WDPCP: variants seen among roughly 807,000 people sequenced by gnomAD.
The protein encoded by WDPCP is WD repeat containing planar cell polarity effector, also known as WD repeat-containing and planar cell polarity effector protein fritz homolog.
Under a neutral mutation model 93.1 loss-of-function variants are expected in WDPCP, and 71 were observed. The ratio of observed to expected loss-of-function variants is 0.76; its 90% CI spans 0.63 to 0.93. The LOEUF (loss-of-function observed/expected upper bound fraction) is 0.93. WDPCP is among the 40% of genes least tolerant of loss of function. The pLI is 0.00. For synonymous variants in WDPCP, 315 were observed against 315.0 expected, an observed-to-expected ratio of 1.00 and a Z score of 0.00; for missense variants, 844 against 887.4, an observed-to-expected ratio of 0.95 and a Z score of 0.62.
intron 12 of WDPCP, among the ~76,000 whole-genome samples, chr2:63,338,570 ATATATAT>A (rs1320336903): frequency 2.4e-3 from 13 of 5,314 alleles, no homozygotes; most frequent in Admixed American, 3.4e-3. Context: ...AAAAAAAAAA[ATATATAT>A]ATATATATAT....
At chr2:63,589,400 G>T (rs556524886), upstream of WDPCP, 104 of 1,549,026 alleles carry the variant, frequency 6.7e-5, no homozygotes, top group African/African-American at 1.3e-3. Flanking sequence ...CGATGGGAGG[G>T]AAAGGTTGGG....
At chr2:63,360,100 T>C (rs142886232) in intron 12 of WDPCP, 1 of 152,186 alleles carries the variant, frequency 6.6e-6, no homozygotes. Flanking sequence ...TTGTACTTTA[T>C]AAAATAACAT....
intron 13 of WDPCP, among the ~76,000 whole-genome samples, chr2:63,295,270 G>A (rs367790765): frequency 2.0e-5 from 3 of 151,974 alleles, no homozygotes; most frequent in African/African-American, 7.3e-5. Flanking sequence ...TATAAAAAAC[G>A]ACTGGCAAAA....
At chr2:63,622,856 A>G in intron 3 of WDPCP, 1 of 1,582,522 alleles carries the variant, frequency 6.3e-7, no homozygotes, top group Non-Finnish European at 8.6e-7. Context: ...TGGGCTCAGC[A>G]CCCGCGCAGC....
chr2:63,310,201 T>C (rs978124798), intron 13 of WDPCP, among the ~76,000 whole-genome samples: 1 of 152,166 alleles, frequency 6.6e-6, no homozygotes. Flanking sequence ...GATTTATGCA[T>C]TATCATCACC....
At chr2:63,802,281 TAAA>T (rs58717654) in intron 2 of WDPCP, among the ~76,000 whole-genome samples, 24 of 54,378 alleles carry the variant, frequency 4.4e-4, no homozygotes, top group Non-Finnish European at 5.6e-4. Flanking sequence ...CCCTCTCTCT[TAAA>T]AAAAAAAAAA....
At chr2:63,538,690 ATCAT>A (rs1219674885) in intron 1 of WDPCP, among the ~76,000 whole-genome samples, 2 of 152,206 alleles carry the variant, frequency 1.3e-5, no homozygotes, top group African/African-American at 4.8e-5. Context: ...ACATTCATGC[ATCAT>A]TCAAGGAAAA....
intron 2 of WDPCP, among the ~76,000 whole-genome samples, chr2:63,664,420 C>A (rs896468900): frequency 1.3e-5 from 2 of 152,206 alleles, no homozygotes; most frequent in African/African-American, 4.8e-5. Context: ...GGATTGGGCA[C>A]TACCATCAGC....
chr2:63,330,261 G>A (rs762563862), intron 12 of WDPCP, among the ~76,000 whole-genome samples: 2 of 152,042 alleles, frequency 1.3e-5, no homozygotes, highest in Admixed American at 1.3e-4. Context: ...TTGACTTTTT[G>A]GTTAGTAGGT....
intron 12 of WDPCP, among the ~76,000 whole-genome samples, chr2:63,320,639 C>T (rs1482944796): frequency 6.6e-6 from 1 of 151,708 alleles, no homozygotes; most frequent in African/African-American, 2.4e-5. Context: ...CTGTAGAACA[C>T]TAAGGATATA....
At chr2:63,589,182 C>T (rs528985907), upstream of WDPCP, 10 of 1,606,604 alleles carry the variant, frequency 6.2e-6, no homozygotes, top group East Asian at 6.7e-5. Flanking sequence ...TCGGACTCAT[C>T]TTCTGGGGAT....
At position 63,583,365 on chromosome 2, in the gene WDPCP, G is replaced by C. The variant is rs146608374; in HGVS notation, c.75+4832C>G. On this transcript the variant is annotated intron_variant, in intron 1 of 17. Coordinates refer to ENST00000272321, the MANE Select transcript of WDPCP (RefSeq NM_015910.7). ...GGGACAAATTGAAGACAAATAGCAAGACGTCATTTAAATTTAACCTTGAAA... is the reference window on the plus strand; with the variant it reads ...GGGACAAATTGAAGACAAATAGCAACACGTCATTTAAATTTAACCTTGAAA... 2.2e-3 allele frequency among the ~76,000 whole-genome samples: 332 copies of C among 152,234 alleles called. 1 individual carries two copies. The highest frequency in any genetic ancestry group is 7.4e-3 in the African/African-American group (307 of 41,564).
At chr2:63,514,527 T>C (rs919347109) in intron 1 of WDPCP, among the ~76,000 whole-genome samples, 4 of 152,168 alleles carry the variant, frequency 2.6e-5, no homozygotes, top group African/African-American at 9.7e-5. Flanking sequence ...CAGGAATTTT[T>C]CCAGGATAAT....
At chr2:63,659,771 C>T (rs985500923) in intron 2 of WDPCP, among the ~76,000 whole-genome samples, 51 of 152,188 alleles carry the variant, frequency 3.4e-4, no homozygotes, top group Non-Finnish European at 5.4e-4. Flanking sequence ...TATATGAGCC[C>T]GTGAGCTTCC....
chr2:63,491,520 C>T (rs1282424984), intron 2 of WDPCP, among the ~76,000 whole-genome samples: 1 of 152,166 alleles, frequency 6.6e-6, no homozygotes, highest in Non-Finnish European at 1.5e-5. Flanking sequence ...CAAGCTCCTT[C>T]TTTCTTGGAA....
chr2:63,446,063 G>A (rs941446552), intron 6 of WDPCP, among the ~76,000 whole-genome samples: 1 of 152,038 alleles, frequency 6.6e-6, no homozygotes, highest in East Asian at 1.9e-4. Flanking sequence ...CACTATTTAG[G>A]AACTAATATC....
chr2:63,449,497 A>G (rs1698082103), intron 6 of WDPCP, among the ~76,000 whole-genome samples: 1 of 144,738 alleles, frequency 6.9e-6, no homozygotes, highest in Non-Finnish European at 1.5e-5. Context: ...ACAGAAGGAA[A>G]AGAAAGCAAG....
intron 12 of WDPCP, among the ~76,000 whole-genome samples, chr2:63,332,989 A>G (rs1688088741): frequency 6.6e-6 from 1 of 152,196 alleles, no homozygotes. Flanking sequence ...GAAGGTCTAC[A>G]GTTTCACCTC....
intron 3 of WDPCP, among the ~76,000 whole-genome samples, chr2:63,609,138 G>A (rs1441261509): frequency 1.3e-5 from 2 of 152,008 alleles, no homozygotes; most frequent in African/African-American, 2.4e-5. Context: ...AGGCCGAGGC[G>A]GGCAGATCAT....
Sources: allele counts gnomAD v4.1 joint callset (sites outside exome capture counted in the v4.1 genomes callset), GRCh38; gene constraint gnomAD v4.1.1; transcripts MANE v1.5; gene names NCBI Gene and HGNC (gene_info 2026-07-23, HGNC 2026-07-21).